Variants in OAS3 observed in about 807,000 individuals in gnomAD.
The protein encoded by OAS3 is 2'-5'-oligoadenylate synthetase 3, also known as 2'-5'-oligoadenylate synthase 3.
In OAS3, 107 loss-of-function variants were observed where a neutral mutation model predicts 113.0. That is an observed-to-expected ratio of 0.95 (90% confidence interval 0.81 to 1.11). The LOEUF is 1.11. Among genes scored for constraint, OAS3 ranks in the 50% most tolerant of loss-of-function variants. The pLI is 0.00. For missense variants in OAS3, 1,258 were observed against 1,389.1 expected (o/e 0.91, Z 1.50); for synonymous variants, 552 against 573.6 (o/e 0.96, Z 0.54).
chr12:112,950,813 G>A lies in OAS3; in HGVS notation c.1495G>A (p.Glu499Lys), dbSNP rs199505039. Residue 499 changes from glutamate (E) to lysine (K), a missense_variant, in exon 7 of 16, where the codon GAG becomes AAG. Physicochemically the swap from Glu to Lys is moderately conservative, Grantham distance 56 (BLOSUM62 1). Coordinates refer to ENST00000228928, the MANE Select transcript of OAS3 (RefSeq NM_006187.4). ...GCCCCGCCGCGCAGAGATCCTTGAT[G>A]AGATGCGAGCGCAGCTAGAATCCTG... ...QGPRRAEILD[E>K]MRAQLESWWQ... The A allele has an allele frequency of 4.4e-4, 717 of 1,614,058 alleles. No individual in the cohort carries two copies. Among genetic ancestry groups the A allele is most frequent in the Non-Finnish European group, 3.4e-4 (405 of 1,179,908 alleles).
At chr12:112,949,513 A>G (rs957382943) in intron 6 of OAS3, among the ~76,000 whole-genome samples, 1 of 152,038 alleles carries the variant, frequency 6.6e-6, no homozygotes, top group Admixed American at 6.5e-5. Flanking sequence ...TCTGGCCTTG[A>G]CTTACTCCAC....
At position 112,963,535 on chromosome 12, in the gene OAS3, C is replaced by G. The variant is rs1211783127; in HGVS notation, c.2229+78C>G. The G allele has an allele frequency of 8.2e-6, 11 of 1,337,552 alleles. No homozygotes were observed. The highest frequency in any genetic ancestry group is 9.8e-6 in the Non-Finnish European group (10 of 1,022,112). The allele number at this position is 1,337,552 out of a possible 1,614,324, so 82.9% of individuals were successfully genotyped here. Reference sequence around the variant, plus strand: ...AGGTTCCCTTAACCTGCCGGTGCACCCATCCCCAGCTGCTAGGAGTGTTGG... The same window carrying G: ...AGGTTCCCTTAACCTGCCGGTGCACGCATCCCCAGCTGCTAGGAGTGTTGG... On this transcript the variant is annotated intron_variant, in intron 10 of 15. Transcript: ENST00000228928. The surrounding 1 kb of genome is among the most constrained non-coding windows in gnomAD (Gnocchi z 4.6).
In OAS3 at chr12:112,963,238, C is replaced by T; in HGVS notation, c.2085-75C>T. On this transcript the variant is annotated intron_variant, in intron 9 of 15. Coordinates refer to ENST00000228928, the MANE Select transcript of OAS3 (RefSeq NM_006187.4). This position sits in a 1 kb window ranked among gnomAD's most constrained non-coding sequence, Gnocchi z 4.6. ...GACACTCTTTCCAGCCCTCACGCCCCTTTTCAGCCCTTCCACCCGCCTCCT... is the reference window on the plus strand; with the variant it reads ...GACACTCTTTCCAGCCCTCACGCCCTTTTTCAGCCCTTCCACCCGCCTCCT... 2 of 1,459,982 alleles carry T rather than the reference C, an allele frequency of 1.4e-6. No homozygotes were observed. The highest frequency in any genetic ancestry group is 1.8e-6 in the Non-Finnish European group (2 of 1,093,938). The allele number at this position is 1,459,982 out of a possible 1,614,324, so 90.4% of individuals were successfully genotyped here. A position where few individuals can be genotyped will look rare whatever the true frequency, so the allele number is the denominator to read the frequency against.
At chr12:112,943,944 T>C (rs7135260) in intron 2 of OAS3, among the ~76,000 whole-genome samples, 92,789 of 151,962 alleles carry the variant, frequency 0.61, 29,347 homozygotes, top group East Asian at 0.78. Context: ...CCTCCCACCT[T>C]GGCCTCCCAA....
Position 112,963,533 on chromosome 12 carries a change from A to T in OAS3, c.2229+76A>T. 1 of 1,346,996 alleles carries T rather than the reference A, an allele frequency of 7.4e-7. No homozygotes were observed. The highest frequency in any genetic ancestry group is 9.7e-7 in the Non-Finnish European group (1 of 1,030,358). 83.4% of individuals were successfully genotyped at this position (1,346,996 alleles called of 1,614,324 possible). A position where few individuals can be genotyped will look rare whatever the true frequency, so the allele number is the denominator to read the frequency against. ...TCAGGTTCCCTTAACCTGCCGGTGC[A>T]CCCATCCCCAGCTGCTAGGAGTGTT... On this transcript the variant is annotated intron_variant, in intron 10 of 15. Coordinates refer to ENST00000228928, the MANE Select transcript of OAS3 (RefSeq NM_006187.4). This position sits in a 1 kb window ranked among gnomAD's most constrained non-coding sequence, Gnocchi z 4.6.
chr12:112,949,933 C>T (rs757878505), intron 6 of OAS3, among the ~76,000 whole-genome samples: 31 of 152,148 alleles, frequency 2.0e-4, no homozygotes, highest in Admixed American at 7.9e-4. Context: ...GCAGGAAAAT[C>T]GCTTGAACCC....
chr12:112,949,385 A>G (rs1427821644), intron 6 of OAS3, among the ~76,000 whole-genome samples, 180 bp downstream of exon 6: 1 of 151,996 alleles, frequency 6.6e-6, no homozygotes, highest in Admixed American at 6.6e-5. Context: ...TTTTTTAATG[A>G]TACAGTTTTT....
At chr12:112,962,984 T>C (rs1345771569) in intron 9 of OAS3, 82 bp downstream of exon 9, 1 of 1,569,962 alleles carries the variant, frequency 6.4e-7, no homozygotes, top group Non-Finnish European at 8.7e-7. Flanking sequence ...CCAGGAGGAG[T>C]CCAAGGTAGG....
intron 15 of OAS3, 28 bp downstream of exon 15, chr12:112,969,783 T>G (rs201553594): frequency 6.2e-7 from 1 of 1,609,866 alleles, no homozygotes; most frequent in South Asian, 1.1e-5. Context: ...CCAAAGGAAG[T>G]ACCCTTTAGG....
intron 7 of OAS3, 105 bp from the exon 8 acceptor site, chr12:112,960,966 G>A (rs2043877463): frequency 9.7e-7 from 1 of 1,035,710 alleles, no homozygotes; most frequent in African/African-American, 1.6e-5. Context: ...GCAATGTTAG[G>A]TGATTAATGT....
At chr12:112,945,156 A>G (rs918259301) in intron 3 of OAS3, 6 of 204,218 alleles carry the variant, frequency 2.9e-5, no homozygotes, top group African/African-American at 1.4e-4. Flanking sequence ...TACTAAAAAT[A>G]CAAAATGTAG....
intron 12 of OAS3, among the ~76,000 whole-genome samples, chr12:112,966,511 A>G (rs1291924141): frequency 6.6e-6 from 1 of 152,248 alleles, no homozygotes; most frequent in Non-Finnish European, 1.5e-5. Context: ...CTTGAACAAA[A>G]TAGACACAAC....
intron 3 of OAS3, among the ~76,000 whole-genome samples, chr12:112,945,864 C>T (rs549706064): frequency 2.6e-5 from 4 of 152,288 alleles, no homozygotes; most frequent in Admixed American, 6.5e-5. Flanking sequence ...TGGTGGCTCA[C>T]GCCTGTGGTC....
chr12:112,942,568 G>A (rs2043689382), intron 2 of OAS3, among the ~76,000 whole-genome samples: 1 of 151,838 alleles, frequency 6.6e-6, no homozygotes, highest in South Asian at 2.1e-4. Context: ...TTAAAAAATA[G>A]CCAGGTGTAG....
chr12:112,951,993 C>G (rs1238949005), intron 7 of OAS3, among the ~76,000 whole-genome samples: 1 of 152,172 alleles, frequency 6.6e-6, no homozygotes, highest in Non-Finnish European at 1.5e-5. Flanking sequence ...GCCTGAGAGA[C>G]AGAGTGAGAC....
rs1317885122 is a variant in OAS3, at chr12:112,970,408, T to C, written c.*435T>C. 2 of 210,008 alleles carry C rather than the reference T, an allele frequency of 9.5e-6. No homozygotes were observed. Among genetic ancestry groups the C allele is most frequent in the Non-Finnish European group, 1.9e-5 (2 of 103,894 alleles). 13.0% of individuals were successfully genotyped at this position (210,008 alleles called of 1,614,324 possible). A position where few individuals can be genotyped will look rare whatever the true frequency, so the allele number is the denominator to read the frequency against. On this transcript the variant is annotated 3_prime_UTR_variant, in exon 16 of 16. Transcript: ENST00000228928. ...CTCCTTGCCAAATCTAAATAGTTTA[T>C]ATAGGGATGGCAGAGAGTTCCCATC...
chr12:112,947,752 C>T (rs2043746254), intron 4 of OAS3, among the ~76,000 whole-genome samples, 194 bp from the exon 5 acceptor site: 1 of 152,136 alleles, frequency 6.6e-6, no homozygotes, highest in South Asian at 2.1e-4. Context: ...CAACGTGCAG[C>T]CAGGGTTGAC....
At chr12:112,956,532 T>A (rs1410376834) in intron 7 of OAS3, among the ~76,000 whole-genome samples, 1 of 152,264 alleles carries the variant, frequency 6.6e-6, no homozygotes, top group Admixed American at 6.5e-5. Flanking sequence ...TTCTGGTATG[T>A]TGTGTCTTTG....
chr12:112,970,405 T>G lies in OAS3; in HGVS notation c.*432T>G. The G allele has an allele frequency of 4.7e-6, 1 of 214,944 alleles. No individual in the cohort carries two copies. Among genetic ancestry groups the G allele is most frequent in the Non-Finnish European group, 9.3e-6 (1 of 106,988 alleles). The allele number at this position is 214,944 out of a possible 1,614,324, so 13.3% of individuals were successfully genotyped here. ...CCTCTCCTTGCCAAATCTAAATAGTTTATATAGGGATGGCAGAGAGTTCCC... is the reference window on the plus strand; with the variant it reads ...CCTCTCCTTGCCAAATCTAAATAGTGTATATAGGGATGGCAGAGAGTTCCC... On this transcript the variant is annotated 3_prime_UTR_variant, in exon 16 of 16. Transcript: ENST00000228928.
Sources: allele counts gnomAD v4.1 joint callset (sites outside exome capture counted in the v4.1 genomes callset), GRCh38; gene constraint gnomAD v4.1.1; non-coding constraint Gnocchi (gnomAD v3.1); transcripts MANE v1.5; gene names NCBI Gene and HGNC (gene_info 2026-07-23, HGNC 2026-07-21).